Variants in CPM observed in about 807,000 individuals in gnomAD.
The protein encoded by CPM is renal carboxypeptidase.
In CPM, 35 loss-of-function variants were observed where a neutral mutation model predicts 46.4. The observed-to-expected ratio is 0.75, with a 90% CI of 0.58 to 1.00. CPM has a LOEUF of 1.00. CPM is among the 50% of genes least tolerant of loss of function. The pLI is 0.00. For missense variants in CPM, 422 were observed against 530.4 expected, an observed-to-expected ratio of 0.80 and a Z score of 2.01; for synonymous variants, 195 against 195.3, an observed-to-expected ratio of 1.00 and a Z score of 0.01.
At chr12:68,858,443 G>A (rs1172269055) in intron 8 of CPM, among the ~76,000 whole-genome samples, 3 of 152,150 alleles carry the variant, frequency 2.0e-5, no homozygotes, top group Non-Finnish European at 4.4e-5. Context: ...AAAAAGGGCT[G>A]CAAAATATGT....
rs746959916 is a variant in CPM, at chr12:68,869,347, T to A, written c.765A>T (p.Gly255=). 8 of 1,613,604 alleles carry A rather than the reference T, an allele frequency of 5.0e-6. No homozygotes were observed. Among genetic ancestry groups the A allele is most frequent in the Non-Finnish European group, 6.8e-6 (8 of 1,179,886 alleles). ...CACCTTGGAGTGGATACCAAGAGTA[T>A]CCATTTGTAACACCATTAGGAAAGT... The part of the protein sequence containing the change: ...KMNFPNGVTN[G]YSWYPLQGGM... Residue 255 remains glycine, a synonymous_variant, in exon 6 of 9, where the codon GGA becomes GGT. Transcript: ENST00000551568.
In CPM at chr12:68,852,196, A is replaced by G. The variant is rs1344262188; in HGVS notation, c.*4241T>C. The G allele has an allele frequency of 6.6e-6, 1 of 152,228 alleles. No homozygotes were observed. The highest frequency in any genetic ancestry group is 1.5e-5 in the Non-Finnish European group (1 of 68,034). 9.4% of individuals were successfully genotyped at this position (152,228 alleles called of 1,614,324 possible). On this transcript the variant is annotated 3_prime_UTR_variant, in exon 9 of 9. Transcript: ENST00000551568. Reference sequence around the variant, plus strand: ...GCTTTTAACATTTCAGATACATCCAACAGTTCATGTCTGAATGTAATTAAG... The same window carrying G: ...GCTTTTAACATTTCAGATACATCCAGCAGTTCATGTCTGAATGTAATTAAG...
At position 68,891,452 on chromosome 12, in the gene CPM, A is replaced by G. The variant is rs117576064; in HGVS notation, c.161-5563T>C. On this transcript the variant is annotated intron_variant, in intron 2 of 8. Transcript: ENST00000551568. Reference sequence around the variant, plus strand: ...CATGGGCGAAGTTTCCAGACTAGCTATGCTTGCATTTTATTATTCACAGCT... The same window carrying G: ...CATGGGCGAAGTTTCCAGACTAGCTGTGCTTGCATTTTATTATTCACAGCT... Among the ~76,000 whole-genome samples the G allele has an allele frequency of 3.3e-3, 500 of 152,346 alleles. 1 individual carries two copies. Among genetic ancestry groups the G allele is most frequent in the Non-Finnish European group, 5.9e-3 (400 of 68,028 alleles).
chr12:68,938,094 G>T (rs74547005), upstream of CPM, among the ~76,000 whole-genome samples: 14 of 152,184 alleles, frequency 9.2e-5, no homozygotes, highest in African/African-American at 3.4e-4. Context: ...CTATAGTCGG[G>T]GCTAAGTACC....
intron 2 of CPM, among the ~76,000 whole-genome samples, chr12:68,901,495 G>C (rs1488931032): frequency 6.6e-6 from 1 of 152,072 alleles, no homozygotes; most frequent in African/African-American, 2.4e-5. Context: ...TCCAAAACCT[G>C]GTCAAGCACA....
intron 2 of CPM, among the ~76,000 whole-genome samples, chr12:68,909,843 G>C (rs1024204713): frequency 6.9e-6 from 1 of 144,228 alleles, no homozygotes; most frequent in African/African-American, 2.6e-5. Context: ...TGGGGGGTGG[G>C]GGGGCTACGG....
chr12:68,907,076 G>GTGAC (rs1887383480), intron 2 of CPM, among the ~76,000 whole-genome samples: 3 of 152,232 alleles, frequency 2.0e-5, no homozygotes, highest in Admixed American at 2.0e-4. Context: ...AGCTCACACT[G>GTGAC]TGACTGAGGT....
At chr12:68,891,541 A>G (rs1886654214) in intron 2 of CPM, among the ~76,000 whole-genome samples, 1 of 152,248 alleles carries the variant, frequency 6.6e-6, no homozygotes, top group Admixed American at 6.5e-5. Flanking sequence ...GTATAGGGTT[A>G]TCCTTTCACA....
At chr12:68,914,865 C>T (rs1259329962) in intron 2 of CPM, among the ~76,000 whole-genome samples, 2 of 152,130 alleles carry the variant, frequency 1.3e-5, no homozygotes, top group South Asian at 2.1e-4. Context: ...TCCTTACTAG[C>T]TAAGTAGTCT....
intron 2 of CPM, among the ~76,000 whole-genome samples, chr12:68,890,878 G>A (rs151117005): frequency 2.0e-5 from 3 of 152,376 alleles, no homozygotes; most frequent in East Asian, 3.9e-4. Context: ...TTGGGACAAA[G>A]CTGCAGTGAT....
At chr12:68,863,852 C>T (rs930666395) in intron 7 of CPM, among the ~76,000 whole-genome samples, 3 of 152,090 alleles carry the variant, frequency 2.0e-5, no homozygotes, top group East Asian at 3.8e-4. Context: ...TGCAGTTTGA[C>T]GAATATCAAT....
At chr12:68,912,386 C>T (rs1887632780) in intron 2 of CPM, among the ~76,000 whole-genome samples, 3 of 152,254 alleles carry the variant, frequency 2.0e-5, no homozygotes, top group Admixed American at 6.5e-5. Flanking sequence ...GATAGCTCCT[C>T]AATTTCAATA....
chr12:68,928,235 A>G (rs187950019), intron 2 of CPM, among the ~76,000 whole-genome samples: 170 of 152,324 alleles, frequency 1.1e-3, no homozygotes, highest in African/African-American at 3.7e-3. Context: ...CAACTATCTG[A>G]TCTTTGACAA....
At chr12:68,939,545 A>T (rs1411576857) in intron 1 of CPM, among the ~76,000 whole-genome samples, 1 of 152,018 alleles carries the variant, frequency 6.6e-6, no homozygotes, top group Non-Finnish European at 1.5e-5. Context: ...GACAGAAATT[A>T]TATCTCCATT....
chr12:68,874,451 A>G (rs1435543426), intron 3 of CPM, among the ~76,000 whole-genome samples: 1 of 152,032 alleles, frequency 6.6e-6, no homozygotes, highest in Non-Finnish European at 1.5e-5. Context: ...CCCCATCTCT[A>G]CTAAAAATAC....
upstream of CPM, among the ~76,000 whole-genome samples, chr12:68,934,444 C>T (rs1008446172): frequency 5.3e-5 from 8 of 152,158 alleles, no homozygotes; most frequent in Non-Finnish European, 1.0e-4. Flanking sequence ...GCACTCAGGA[C>T]TCCCTGAGAC....
chr12:68,858,550 A>G (rs1885069555), intron 8 of CPM, among the ~76,000 whole-genome samples: 1 of 152,170 alleles, frequency 6.6e-6, no homozygotes, highest in African/African-American at 2.4e-5. Flanking sequence ...TTTATAGTAG[A>G]AAGTGTATGC....
At chr12:68,928,127 G>A (rs10784734) in intron 2 of CPM, among the ~76,000 whole-genome samples, 125,165 of 152,230 alleles carry the variant, frequency 0.82, 51,743 homozygotes, top group African/African-American at 0.92. Context: ...ACTATACTAC[G>A]AGGCTACAGT....
At chr12:68,924,067 C>T (rs931199089) in intron 2 of CPM, among the ~76,000 whole-genome samples, 1 of 147,530 alleles carries the variant, frequency 6.8e-6, no homozygotes, top group African/African-American at 2.5e-5. Context: ...CCTAGAGCTA[C>T]GGGAGGCTGA....
Sources: gnomAD v4.1 joint callset for allele counts (sites outside exome capture counted in the v4.1 genomes callset) on GRCh38, gnomAD v4.1.1 for gene constraint, MANE v1.5 for transcripts, NCBI Gene and HGNC (gene_info 2026-07-23, HGNC 2026-07-21) for gene names.